Variants in ZNF420 observed in about 807,000 individuals in gnomAD.
ZNF420 encodes the protein zinc finger protein 420.
In ZNF420, 31 loss-of-function variants were observed where a neutral mutation model predicts 44.7. The ratio of observed to expected loss-of-function variants is 0.69; its 90% CI spans 0.52 to 0.94. The LOEUF is 0.94. Ranked by LOEUF, ZNF420 falls within the 40% of genes least tolerant of loss-of-function variation. The pLI is 0.00. For missense variants in ZNF420, 681 were observed against 827.9 expected (o/e 0.82, Z 2.18); for synonymous variants, 245 against 267.4 (o/e 0.92, Z 0.82).
At chr19:37,117,980 AC>A (rs1970791888) in intron 4 of ZNF420, among the ~76,000 whole-genome samples, 2 of 152,186 alleles carry the variant, frequency 1.3e-5, no homozygotes, top group South Asian at 4.1e-4. Flanking sequence ...ATGTGAAAAG[AC>A]CAAATCTATG....
chr19:37,025,765 C>G (rs970852459), intron 1 of ZNF420, among the ~76,000 whole-genome samples: 2 of 134,770 alleles, frequency 1.5e-5, no homozygotes, highest in African/African-American at 5.8e-5. Flanking sequence ...GATTTTTAAA[C>G]CTGTCTTTTT....
At chr19:37,075,758 CAAAA>C (rs1011578994), upstream of ZNF420, among the ~76,000 whole-genome samples, 1 of 151,376 alleles carries the variant, frequency 6.6e-6, no homozygotes, top group Non-Finnish European at 1.5e-5. Context: ...AAAACAAAAA[CAAAA>C]ACAAACAAAC....
At chr19:37,108,392 A>C (rs1459647071) in intron 4 of ZNF420, 3 of 152,246 alleles carry the variant, frequency 2.0e-5, no homozygotes, top group Non-Finnish European at 4.4e-5. Context: ...GGTGCTGCCA[A>C]TTGAAAGTTG....
chr19:37,032,940 T>C (rs1008635528), intron 1 of ZNF420, among the ~76,000 whole-genome samples: 1 of 152,210 alleles, frequency 6.6e-6, no homozygotes, highest in Non-Finnish European at 1.5e-5. Flanking sequence ...ATGTAGAATG[T>C]AGCTGGTGGA....
intron 4 of ZNF420, among the ~76,000 whole-genome samples, chr19:37,122,985 C>G (rs1971139905): frequency 6.6e-6 from 1 of 152,210 alleles, no homozygotes; most frequent in South Asian, 2.1e-4. Context: ...CCTCCCAGGT[C>G]TGCCCCATCA....
At chr19:37,061,020 C>T (rs1967869216) in intron 1 of ZNF420, among the ~76,000 whole-genome samples, 6 of 152,140 alleles carry the variant, frequency 3.9e-5, no homozygotes. Flanking sequence ...CTTGGACTCA[C>T]GCACAGGCCC....
chr19:37,126,805 A>T (rs916027803), intron 4 of ZNF420, among the ~76,000 whole-genome samples: 3 of 152,028 alleles, frequency 2.0e-5, no homozygotes, highest in Admixed American at 6.6e-5. Context: ...TTCTTAGCTA[A>T]TTTTTTTTAA....
intron 2 of ZNF420, among the ~76,000 whole-genome samples, chr19:37,081,916 T>C (rs1968487290): frequency 6.6e-6 from 1 of 152,114 alleles, no homozygotes; most frequent in African/African-American, 2.4e-5. Context: ...TACTGGTGAA[T>C]TGACCCCTTT....
chr19:37,060,364 G>A (rs1464505446), intron 1 of ZNF420, among the ~76,000 whole-genome samples: 1 of 151,536 alleles, frequency 6.6e-6, no homozygotes, highest in African/African-American at 2.4e-5. Context: ...TGGAATGCTG[G>A]CCTCTTTGGA....
intron 1 of ZNF420, among the ~76,000 whole-genome samples, chr19:37,042,693 A>G (rs1228431287): frequency 6.6e-6 from 1 of 152,140 alleles, no homozygotes; most frequent in Admixed American, 6.5e-5. Flanking sequence ...TTGTTTTTTT[A>G]TTATGCATGT....
intron 1 of ZNF420, among the ~76,000 whole-genome samples, chr19:37,053,985 C>A (rs918457844): frequency 6.6e-6 from 1 of 152,192 alleles, no homozygotes; most frequent in African/African-American, 2.4e-5. Context: ...AGCAGGCCTC[C>A]CTGAGCTGCG....
At chr19:37,094,422 A>G (rs1343573638) in intron 4 of ZNF420, among the ~76,000 whole-genome samples, 3 of 152,134 alleles carry the variant, frequency 2.0e-5, no homozygotes, top group Admixed American at 6.5e-5. Context: ...TTAAATTTTT[A>G]TCATGTGTAC....
chr19:37,112,839 C>T (rs1303890591), intron 4 of ZNF420, among the ~76,000 whole-genome samples: 2 of 152,206 alleles, frequency 1.3e-5, no homozygotes, highest in Non-Finnish European at 1.5e-5. Flanking sequence ...GATTTAGACT[C>T]GATCTTCCTG....
chr19:37,048,865 C>G (rs1250894428), intron 1 of ZNF420, among the ~76,000 whole-genome samples: 1 of 130,352 alleles, frequency 7.7e-6, no homozygotes, highest in African/African-American at 2.8e-5. Flanking sequence ...TATCCCTCCC[C>G]CCTCCCCCAC....
chr19:37,105,309 A>G (rs1970011317), intron 4 of ZNF420, among the ~76,000 whole-genome samples: 1 of 152,224 alleles, frequency 6.6e-6, no homozygotes, highest in African/African-American at 2.4e-5. Context: ...AGATGGTTGT[A>G]GATGGGTGGT....
intron 4 of ZNF420, among the ~76,000 whole-genome samples, chr19:37,123,233 A>G (rs1049813934): frequency 1.3e-4 from 20 of 152,282 alleles, no homozygotes; most frequent in African/African-American, 4.6e-4. Flanking sequence ...ATTTCTATCC[A>G]TCTAGCTTCT....
intron 1 of ZNF420, among the ~76,000 whole-genome samples, chr19:37,016,668 C>T (rs1298190786): frequency 6.6e-6 from 1 of 152,226 alleles, no homozygotes; most frequent in Admixed American, 6.5e-5. Context: ...TGCCTTTGTC[C>T]TCGTTCCCGT....
intron 1 of ZNF420, among the ~76,000 whole-genome samples, chr19:37,047,721 T>A (rs917350269): frequency 2.0e-5 from 3 of 152,232 alleles, no homozygotes. Flanking sequence ...TATTTGTTAG[T>A]GTCCAGGTCA....
chr19:37,088,081 A>G (rs1382554031), intron 2 of ZNF420, among the ~76,000 whole-genome samples: 1 of 152,216 alleles, frequency 6.6e-6, no homozygotes, highest in East Asian at 1.9e-4. Flanking sequence ...CTGCTGCTGT[A>G]GTGTGAAAGT....
Sources: allele counts gnomAD v4.1 joint callset (sites outside exome capture counted in the v4.1 genomes callset), GRCh38; gene constraint gnomAD v4.1.1; transcripts MANE v1.5; gene names NCBI Gene and HGNC (gene_info 2026-07-23, HGNC 2026-07-21).